The following HS3ST4 variants were observed in gnomAD, a reference collection of about 807,000 sequenced individuals.
HS3ST4 encodes heparan sulfate glucosamine 3-O-sulfotransferase 4.
A neutral mutation model predicts 29.2 loss-of-function variants in HS3ST4; 17 were observed. The ratio of observed to expected loss-of-function variants is 0.58; its 90% CI spans 0.40 to 0.87. The LOEUF (loss-of-function observed/expected upper bound fraction) is 0.87. HS3ST4 is among the 40% of genes least tolerant of loss of function. The probability of loss-of-function intolerance (pLI) is 0.00; values close to 1 mark genes in which losing one functional copy is unlikely to be tolerated. For synonymous variants in HS3ST4, 314 were observed against 285.7 expected, an observed-to-expected ratio of 1.10 and a Z score of -1.00; for missense variants, 627 against 634.5, an observed-to-expected ratio of 0.99 and a Z score of 0.13.
chr16:25,736,420 T>C (rs1382281342), intron 1 of HS3ST4, among the ~76,000 whole-genome samples: 2 of 152,238 alleles, frequency 1.3e-5, no homozygotes, highest in African/African-American at 2.4e-5. Context: ...GATTACGTGC[T>C]ATATGGCACA....
intron 1 of HS3ST4, among the ~76,000 whole-genome samples, chr16:25,712,446 G>A (rs769605856): frequency 1.1e-4 from 16 of 152,036 alleles, no homozygotes; most frequent in Admixed American, 2.0e-4. Flanking sequence ...CCTTGAGCCC[G>A]GGAATTGGTG....
intron 1 of HS3ST4, among the ~76,000 whole-genome samples, chr16:25,991,295 G>T (rs530273141): frequency 2.6e-5 from 4 of 152,240 alleles, no homozygotes; most frequent in African/African-American, 9.6e-5. Context: ...GCAACTCAAA[G>T]GAAATATTAG....
At chr16:25,732,079 T>C (rs1004923640) in intron 1 of HS3ST4, among the ~76,000 whole-genome samples, 3 of 152,176 alleles carry the variant, frequency 2.0e-5, no homozygotes, top group African/African-American at 4.8e-5. Flanking sequence ...TGACTAGAGA[T>C]GGTCTGACAA....
intron 1 of HS3ST4, among the ~76,000 whole-genome samples, chr16:25,816,739 T>G (rs958530957): frequency 6.6e-6 from 1 of 152,172 alleles, no homozygotes. Context: ...GAAGTCAGGC[T>G]TACAGGCTAC....
At chr16:25,940,144 A>G (rs1413030437) in intron 1 of HS3ST4, among the ~76,000 whole-genome samples, 1 of 152,066 alleles carries the variant, frequency 6.6e-6, no homozygotes, top group African/African-American at 2.4e-5. Context: ...GGAAATTGCC[A>G]TCAGAGCCTG....
chr16:26,025,677 T>C (rs1468156953), intron 1 of HS3ST4, among the ~76,000 whole-genome samples: 1 of 152,238 alleles, frequency 6.6e-6, no homozygotes, highest in Admixed American at 6.5e-5. Flanking sequence ...GCAACATTGA[T>C]TGATGTCACA....
chr16:25,986,161 A>G (rs557214460), intron 1 of HS3ST4, among the ~76,000 whole-genome samples: 1 of 152,244 alleles, frequency 6.6e-6, no homozygotes, highest in Admixed American at 6.5e-5. Context: ...TTTTCTCATT[A>G]ATAATTATCT....
intron 1 of HS3ST4, among the ~76,000 whole-genome samples, chr16:25,987,632 G>A (rs1181482840): frequency 6.6e-6 from 1 of 152,188 alleles, no homozygotes; most frequent in Non-Finnish European, 1.5e-5. Context: ...GGAGTCTAAG[G>A]GGACAGTGCT....
At chr16:25,885,596 G>T (rs1283284320) in intron 1 of HS3ST4, among the ~76,000 whole-genome samples, 2 of 151,942 alleles carry the variant, frequency 1.3e-5, no homozygotes, top group Non-Finnish European at 2.9e-5. Flanking sequence ...AACCCTACCT[G>T]TCCCCCAACC....
chr16:25,812,433 T>C (rs547210329), intron 1 of HS3ST4, among the ~76,000 whole-genome samples: 92 of 152,358 alleles, frequency 6.0e-4, no homozygotes, highest in Non-Finnish European at 1.3e-3. Flanking sequence ...TTTCAAGTCT[T>C]ACTATTGCCT....
At chr16:25,768,238 A>G (rs1207989802) in intron 1 of HS3ST4, among the ~76,000 whole-genome samples, 2 of 152,224 alleles carry the variant, frequency 1.3e-5, no homozygotes, top group African/African-American at 4.8e-5. Context: ...ATATGTACGT[A>G]CACACACATT....
At chr16:25,780,776 A>T (rs1966851904) in intron 1 of HS3ST4, among the ~76,000 whole-genome samples, 1 of 152,202 alleles carries the variant, frequency 6.6e-6, no homozygotes, top group Non-Finnish European at 1.5e-5. Flanking sequence ...AACTATTGCT[A>T]TGAAACTTAA....
intron 1 of HS3ST4, among the ~76,000 whole-genome samples, chr16:25,997,463 T>G (rs1969167546): frequency 6.6e-6 from 1 of 152,184 alleles, no homozygotes; most frequent in Non-Finnish European, 1.5e-5. Flanking sequence ...TAGATTCACG[T>G]AACTGAAAAG....
At chr16:26,091,241 T>G (rs774374902) in intron 1 of HS3ST4, among the ~76,000 whole-genome samples, 42 of 152,210 alleles carry the variant, frequency 2.8e-4, no homozygotes, top group Non-Finnish European at 5.9e-4. Context: ...TTGCCTGTAA[T>G]GTTTACCATG....
At chr16:25,975,153 A>C (rs1968931639) in intron 1 of HS3ST4, among the ~76,000 whole-genome samples, 1 of 152,154 alleles carries the variant, frequency 6.6e-6, no homozygotes. Context: ...ATATGGATGC[A>C]GCTGGAGGCC....
Position 25,841,091 on chromosome 16 carries a change from G to GC in HS3ST4, c.734+147946dup, listed in dbSNP as rs1292062926. ...GCGATCTCTGCTCACTGCAGGCTCCGCCCCCCGGGGTTCATGCCATTCTCC... is the reference window on the plus strand; with the variant it reads ...GCGATCTCTGCTCACTGCAGGCTCCGCCCCCCCGGGGTTCATGCCATTCTCC... On this transcript the variant is annotated intron_variant, in intron 1 of 1. Transcript: ENST00000331351. Among the ~76,000 whole-genome samples the GC allele has an allele frequency of 7.4e-5, 11 of 149,580 alleles. No individual in the cohort carries two copies. In the South Asian group the frequency reaches 2.3e-3, roughly 32 times the overall value.
chr16:25,936,104 A>C (rs1232525370), intron 1 of HS3ST4, among the ~76,000 whole-genome samples: 1 of 152,156 alleles, frequency 6.6e-6, no homozygotes, highest in Non-Finnish European at 1.5e-5. Flanking sequence ...TCTGCTGAGC[A>C]ACTGAGGGAT....
At chr16:26,054,078 A>G (rs1273598577) in intron 1 of HS3ST4, among the ~76,000 whole-genome samples, 2 of 152,166 alleles carry the variant, frequency 1.3e-5, no homozygotes, top group African/African-American at 4.8e-5. Context: ...TCATTGGTCA[A>G]AGCAGGTCAT....
chr16:25,894,013 G>T (rs1596605472), intron 1 of HS3ST4, among the ~76,000 whole-genome samples: 1 of 152,196 alleles, frequency 6.6e-6, no homozygotes, highest in African/African-American at 2.4e-5. Flanking sequence ...TGTGGTCCTT[G>T]TACTAATGCA....
Sources: allele counts gnomAD v4.1 joint callset (sites outside exome capture counted in the v4.1 genomes callset), GRCh38; gene constraint gnomAD v4.1.1; transcripts MANE v1.5; gene names NCBI Gene and HGNC (gene_info 2026-07-23, HGNC 2026-07-21).